R3HDM1: variants seen among roughly 807,000 people sequenced by gnomAD.
R3HDM1 encodes the protein R3H domain containing 1.
Under a neutral mutation model 141.1 loss-of-function variants are expected in R3HDM1, and 46 were observed. That is an observed-to-expected ratio of 0.33 (90% CI 0.26 to 0.42). The LOEUF is 0.42. Among genes scored for constraint, R3HDM1 ranks in the 10% least tolerant of loss-of-function variants. R3HDM1 has a pLI of 1.00. For synonymous variants in R3HDM1, 435 were observed against 472.9 expected (o/e 0.92, Z 1.04); for missense variants, 1,184 against 1,368.3 (o/e 0.87, Z 2.12).
Position 135,546,193 on chromosome 2 carries a change from T to G in R3HDM1, c.-250+14560T>G, listed in dbSNP as rs1055328738. ...TTTCTTTGTTTCAGGGTCTGAAGATTACCAGATAAATTTTTGTTCTGTTCT... is the reference window on the plus strand; with the variant it reads ...TTTCTTTGTTTCAGGGTCTGAAGATGACCAGATAAATTTTTGTTCTGTTCT... On this transcript the variant is annotated intron_variant, in intron 1 of 26. Transcript: ENST00000683871. 2.6e-5 allele frequency among the ~76,000 whole-genome samples: 4 copies of G among 152,230 alleles called. No homozygotes were observed. In the East Asian group the frequency reaches 7.7e-4, roughly 29 times the overall value.
chr2:135,652,054 T>C, intron 18 of R3HDM1, 22 bp downstream of exon 18: 1 of 1,527,680 alleles, frequency 6.5e-7, no homozygotes, highest in Non-Finnish European at 8.8e-7. Context: ...TTTAACCTTT[T>C]CTTTCTTGTG....
intron 1 of R3HDM1, chr2:135,550,086 G>C: frequency 1.0e-6 from 1 of 984,898 alleles, no homozygotes; most frequent in Non-Finnish European, 1.2e-6. Flanking sequence ...GTCTTTTCCA[G>C]CTGAAGTTTT....
chr2:135,685,478 A>G (rs2071170646), intron 21 of R3HDM1, among the ~76,000 whole-genome samples: 1 of 152,200 alleles, frequency 6.6e-6, no homozygotes, highest in South Asian at 2.1e-4. Context: ...TGATGGGAGA[A>G]TCCATTCACA....
rs1322217149 is a variant in R3HDM1 at position 135,641,626 on chromosome 2, C to T, written c.1310C>T (p.Ser437Phe). The change falls in exon 15 of 27, where the codon TCT (serine) becomes TTT (phenylalanine). Residue 437 changes from serine (S) to phenylalanine (F), a missense_variant. Ser to Phe is a radical substitution (Grantham distance 155). Around this residue, in one of 5 missense-constraint regions of R3HDM1, gnomAD observed 240 missense variants for 312.3 expected, o/e 0.77. Coordinates refer to ENST00000683871, the MANE Select transcript of R3HDM1 (RefSeq NM_001378107.1). ...CCAGGTACAGCTCTCAGCCAGTCTT[C>T]TCATGGCGCACCTGTCGTCTATCCA... is the stretch of plus-strand genomic sequence containing the variant. ...PLPGTALSQS[S>F]HGAPVVYPTV... is the part of the protein sequence containing the mutation. 3 of 1,614,196 alleles carry T rather than the reference C, an allele frequency of 1.9e-6. No individual in the cohort carries two copies. The highest frequency in any genetic ancestry group is 2.7e-5 in the African/African-American group (2 of 75,048).
chr2:135,693,375 A>G (rs943576951), intron 21 of R3HDM1, among the ~76,000 whole-genome samples: 3 of 152,184 alleles, frequency 2.0e-5, no homozygotes, highest in Admixed American at 6.5e-5. Flanking sequence ...AAAAAAAGAC[A>G]AAGAGGCAGT....
intron 1 of R3HDM1, chr2:135,577,096 GA>G (rs1559156070): frequency 3.1e-6 from 3 of 953,554 alleles, no homozygotes; most frequent in African/African-American, 3.6e-5. Flanking sequence ...TAAAGAGAGA[GA>G]AAAAAAGACC....
chr2:135,651,897 G>T lies in R3HDM1; in HGVS notation c.1893G>T (p.Pro631=), dbSNP rs770925863. Residue 631 remains proline (P), a synonymous_variant, in exon 18 of 27, where the codon CCG becomes CCT. Coordinates refer to ENST00000683871, the MANE Select transcript of R3HDM1 (RefSeq NM_001378107.1). ...CCCCTCCACCACATCCTCCTCCACC[G>T]CCACCACCACCACCTCCTCCTCCTC... ...TAAPPPHPPP[P]PPPPPPPPPL... 6.9e-7 allele frequency: 1 copy of T among 1,459,576 alleles called. No individual in the cohort carries two copies. Among genetic ancestry groups the T allele is most frequent in the Non-Finnish European group, 9.4e-7 (1 of 1,059,856 alleles). 90.4% of individuals were successfully genotyped at this position (1,459,576 alleles called of 1,614,324 possible).
chr2:135,692,216 T>C (rs1001235777), intron 21 of R3HDM1, among the ~76,000 whole-genome samples: 1 of 152,296 alleles, frequency 6.6e-6, no homozygotes, highest in African/African-American at 2.4e-5. Context: ...AGCCATTTTT[T>C]TTTTTCTAAG....
At chr2:135,569,383 T>A (rs184458495) in intron 1 of R3HDM1, among the ~76,000 whole-genome samples, 69 of 151,854 alleles carry the variant, frequency 4.5e-4, no homozygotes, top group African/African-American at 1.6e-3. Flanking sequence ...CCTGGGAGGC[T>A]GAGGCAGGAG....
chr2:135,657,333 C>T (rs190836777), intron 18 of R3HDM1, among the ~76,000 whole-genome samples: 67 of 151,362 alleles, frequency 4.4e-4, no homozygotes, highest in African/African-American at 1.6e-3. Flanking sequence ...ATTGCTTGAA[C>T]CTGGAAGGTG....
intron 24 of R3HDM1, 57 bp from the exon 25 acceptor site, chr2:135,721,867 C>A: frequency 6.8e-7 from 1 of 1,474,970 alleles, no homozygotes. Flanking sequence ...GGATTACAGG[C>A]ATGAACCACC....
intron 1 of R3HDM1, among the ~76,000 whole-genome samples, chr2:135,589,538 A>G (rs1021873941): frequency 6.6e-6 from 1 of 152,120 alleles, no homozygotes; most frequent in African/African-American, 2.4e-5. Context: ...GAGATCTTTA[A>G]TACAGTTAAT....
chr2:135,556,142 A>C (rs1281927550), intron 1 of R3HDM1, among the ~76,000 whole-genome samples: 1 of 152,254 alleles, frequency 6.6e-6, no homozygotes. Flanking sequence ...GTATGATTCC[A>C]GGCATACAAA....
intron 21 of R3HDM1, among the ~76,000 whole-genome samples, chr2:135,694,550 T>C (rs542067078): frequency 4.7e-4 from 72 of 152,302 alleles, no homozygotes; most frequent in African/African-American, 1.7e-3. Flanking sequence ...TTTCTAGATA[T>C]TGGACATGGG....
chr2:135,590,454 G>A (rs1192426347), intron 1 of R3HDM1: 5 of 738,080 alleles, frequency 6.8e-6, no homozygotes, highest in Non-Finnish European at 8.3e-6. Context: ...TGAGACAATT[G>A]TAAAGAAACC....
chr2:135,621,694 T>C (rs558966782), intron 6 of R3HDM1, 86 bp downstream of exon 6: 5 of 1,371,814 alleles, frequency 3.6e-6, no homozygotes, highest in South Asian at 1.9e-5. Context: ...ATATATAGTA[T>C]ATCTTTATGT....
chr2:135,567,300 C>T (rs1038088388), intron 1 of R3HDM1, among the ~76,000 whole-genome samples: 4 of 152,186 alleles, frequency 2.6e-5, no homozygotes, highest in African/African-American at 9.7e-5. Context: ...TGGAATTATA[C>T]ACCCAGGTAC....
chr2:135,717,934 A>T (rs1187504987), intron 24 of R3HDM1, among the ~76,000 whole-genome samples: 2 of 152,210 alleles, frequency 1.3e-5, no homozygotes, highest in South Asian at 4.1e-4. Context: ...CATGACCAAC[A>T]TGTCCATCAA....
chr2:135,593,823 C>T (rs1289909232), intron 1 of R3HDM1, among the ~76,000 whole-genome samples: 5 of 152,174 alleles, frequency 3.3e-5, no homozygotes, highest in African/African-American at 4.8e-5. Context: ...CAGGTTCAAG[C>T]GATTCTCATG....
Sources: gnomAD v4.1 joint callset for allele counts (sites outside exome capture counted in the v4.1 genomes callset) on GRCh38, gnomAD v4.1.1 for gene constraint, gnomAD v4.1.1 regional missense constraint, MANE v1.5 for transcripts, NCBI Gene and HGNC (gene_info 2026-07-23, HGNC 2026-07-21) for gene names.